NIPAL2: variants seen among roughly 807,000 people sequenced by gnomAD.
NIPAL2 encodes NIPA-like protein 2.
NIPAL2 carries 43 observed loss-of-function variants against 48.9 expected under a neutral mutation model. The ratio of observed to expected loss-of-function variants is 0.88; its 90% confidence interval spans 0.69 to 1.13. NIPAL2 has a LOEUF of 1.13. Among genes scored for constraint, NIPAL2 ranks in the 50% most tolerant of loss-of-function variants. The probability of loss-of-function intolerance (pLI) is 0.00; values close to 1 mark genes in which losing one functional copy is unlikely to be tolerated. For missense variants in NIPAL2, 446 were observed against 461.4 expected (o/e 0.97, Z 0.31); for synonymous variants, 167 against 174.6 (o/e 0.96, Z 0.34).
chr8:98,204,507 T>C (rs1218309934), intron 7 of NIPAL2, among the ~76,000 whole-genome samples: 1 of 151,892 alleles, frequency 6.6e-6, no homozygotes, highest in African/African-American at 2.4e-5. Context: ...GGGGAAGTGA[T>C]TAGAGTTGAT....
At chr8:98,218,896 A>G (rs1203149911) in intron 5 of NIPAL2, among the ~76,000 whole-genome samples, 7 of 152,172 alleles carry the variant, frequency 4.6e-5, no homozygotes, top group Non-Finnish European at 1.0e-4. Context: ...AGCTTGTACC[A>G]GTGTTGATGA....
At chr8:98,242,026 A>G (rs772394215) in intron 3 of NIPAL2, among the ~76,000 whole-genome samples, 31 of 152,248 alleles carry the variant, frequency 2.0e-4, no homozygotes, top group Non-Finnish European at 3.7e-4. Flanking sequence ...TTGGTATACC[A>G]TGGCATAAAA....
At chr8:98,272,201 C>T (rs2130880574) in intron 1 of NIPAL2, among the ~76,000 whole-genome samples, 1 of 152,246 alleles carries the variant, frequency 6.6e-6, no homozygotes, top group South Asian at 2.1e-4. Flanking sequence ...GATCCCAGGT[C>T]TATTTGACTT....
intron 1 of NIPAL2, among the ~76,000 whole-genome samples, chr8:98,279,756 A>T (rs1232246879): frequency 6.6e-6 from 1 of 152,262 alleles, no homozygotes; most frequent in Non-Finnish European, 1.5e-5. Flanking sequence ...AATGAAATAA[A>T]GCAATGACAA....
rs777757374 is a variant in NIPAL2, at chr8:98,263,041, C to T, written c.136-8954G>A. 3.3e-3 allele frequency among the ~76,000 whole-genome samples: 500 copies of T among 149,936 alleles called. 3 individuals carry two copies. Among genetic ancestry groups the T allele is most frequent in the Non-Finnish European group, 5.5e-3 (369 of 67,574 alleles). ...TCCTGAATGACTACTGGGTACATAA[C>T]GAAATGCAGGCAGAAATAAAGATGT... On this transcript the variant is annotated intron_variant, in intron 1 of 10. Transcript: ENST00000430223.
In NIPAL2 at chr8:98,191,619, A is replaced by G. The variant is rs1169834144; in HGVS notation, c.*1359T>C. 2 of 152,218 alleles carry G rather than the reference A, an allele frequency of 1.3e-5. No individual in the cohort carries two copies. The highest frequency in any genetic ancestry group is 2.9e-5 in the Non-Finnish European group (2 of 68,056). 9.4% of individuals were successfully genotyped at this position (152,218 alleles called of 1,614,324 possible). On this transcript the variant is annotated 3_prime_UTR_variant, in exon 11 of 11. Coordinates refer to ENST00000430223, the MANE Select transcript of NIPAL2 (RefSeq NM_001321635.2). ...ATGCAAGACTATTGATTGGAATGAT[A>G]TTGGACAGACATGTCAGAAGTGATC...
At chr8:98,285,535 G>A (rs7017423) in intron 1 of NIPAL2, among the ~76,000 whole-genome samples, 8,908 of 152,138 alleles carry the variant, frequency 0.059, 631 homozygotes, top group African/African-American at 0.17. Flanking sequence ...CTAGAGGGGC[G>A]AGCCTGCTAA....
At chr8:98,264,851 G>T (rs1814606752) in intron 1 of NIPAL2, among the ~76,000 whole-genome samples, 1 of 152,148 alleles carries the variant, frequency 6.6e-6, no homozygotes, top group Admixed American at 6.5e-5. Context: ...GAACAAAGCT[G>T]GAGGCATCAC....
chr8:98,279,007 A>T (rs1339303528), intron 1 of NIPAL2, among the ~76,000 whole-genome samples: 1 of 152,190 alleles, frequency 6.6e-6, no homozygotes, highest in Non-Finnish European at 1.5e-5. Context: ...ACATATTGGT[A>T]TAAAGCAGCT....
At chr8:98,288,589 A>T (rs1404442385) in intron 1 of NIPAL2, among the ~76,000 whole-genome samples, 1 of 150,606 alleles carries the variant, frequency 6.6e-6, no homozygotes, top group Non-Finnish European at 1.5e-5. Context: ...TGGTATTTCC[A>T]GTTCTAGATC....
intron 1 of NIPAL2, among the ~76,000 whole-genome samples, chr8:98,273,615 A>G (rs1586462962): frequency 6.6e-6 from 1 of 152,136 alleles, no homozygotes; most frequent in African/African-American, 2.4e-5. Context: ...AGATACTACA[A>G]ATGTAGCTAT....
chr8:98,222,455 T>C, intron 5 of NIPAL2, 24 bp downstream of exon 5: 1 of 1,610,154 alleles, frequency 6.2e-7, no homozygotes. Flanking sequence ...GCTTCGGGGA[T>C]AGTAAAATAT....
intron 1 of NIPAL2, among the ~76,000 whole-genome samples, chr8:98,260,975 A>C (rs1814284444): frequency 6.6e-6 from 1 of 152,066 alleles, no homozygotes; most frequent in Non-Finnish European, 1.5e-5. Flanking sequence ...CTGACCCCTG[A>C]CCCCTGAGCA....
intron 5 of NIPAL2, among the ~76,000 whole-genome samples, chr8:98,221,071 G>A (rs558212343): frequency 1.9e-4 from 27 of 142,800 alleles, no homozygotes; most frequent in African/African-American, 6.4e-4. Context: ...TGCCTCCCAG[G>A]TCCAAGTGAT....
chr8:98,253,308 A>T (rs561956889), intron 2 of NIPAL2, among the ~76,000 whole-genome samples: 22 of 152,250 alleles, frequency 1.4e-4, no homozygotes, highest in African/African-American at 5.1e-4. Flanking sequence ...TTCCCTGAGG[A>T]TAAGAGGGAA....
At chr8:98,230,559 C>A (rs925749236) in intron 4 of NIPAL2, among the ~76,000 whole-genome samples, 1 of 152,102 alleles carries the variant, frequency 6.6e-6, no homozygotes, top group Non-Finnish European at 1.5e-5. Context: ...CATATTTGAC[C>A]ATTTATATTG....
intron 1 of NIPAL2, among the ~76,000 whole-genome samples, chr8:98,264,505 A>G (rs1179415599): frequency 2.7e-5 from 4 of 150,874 alleles, no homozygotes; most frequent in Admixed American, 2.6e-4. Context: ...CAGAGAGCCA[A>G]ATCATGAGTG....
chr8:98,206,704 C>T (rs1035718373), intron 6 of NIPAL2, among the ~76,000 whole-genome samples: 4 of 148,940 alleles, frequency 2.7e-5, no homozygotes, highest in African/African-American at 7.4e-5. Flanking sequence ...AGGAGAATGG[C>T]GTGAACCCAG....
At position 98,192,894 on chromosome 8, in the gene NIPAL2, A is replaced by G; in HGVS notation, c.*84T>C. On this transcript the variant is annotated 3_prime_UTR_variant, in exon 11 of 11. Coordinates refer to ENST00000430223, the MANE Select transcript of NIPAL2 (RefSeq NM_001321635.2). Reference sequence around the variant, plus strand: ...ATGCTAGCACATGTTAGCTTATAAAAGAGCTGCTGACACAAATTGAACATG... The same window carrying G: ...ATGCTAGCACATGTTAGCTTATAAAGGAGCTGCTGACACAAATTGAACATG... 1 of 821,058 alleles carries G rather than the reference A, an allele frequency of 1.2e-6. No homozygotes were observed. The highest frequency in any genetic ancestry group is 2.1e-6 in the Non-Finnish European group (1 of 478,204). 50.9% of individuals were successfully genotyped at this position (821,058 alleles called of 1,614,324 possible).
Sources: gnomAD v4.1 joint callset for allele counts (sites outside exome capture counted in the v4.1 genomes callset) on GRCh38, gnomAD v4.1.1 for gene constraint, MANE v1.5 for transcripts, NCBI Gene and HGNC (gene_info 2026-07-23, HGNC 2026-07-21) for gene names.